ROBO2: variants seen among roughly 807,000 people sequenced by gnomAD.
The protein encoded by ROBO2 is roundabout guidance receptor 2.
A neutral mutation model predicts 160.8 loss-of-function variants in ROBO2; 53 were observed. The observed-to-expected ratio is 0.33, with a 90% CI of 0.26 to 0.41. The LOEUF is 0.41. Among genes scored for constraint, ROBO2 ranks in the 10% least tolerant of loss-of-function variants. The pLI is 1.00. For missense variants in ROBO2, 1,577 were observed against 1,722.4 expected (o/e 0.92, Z 1.49); for synonymous variants, 664 against 611.7 (o/e 1.09, Z -1.26).
At chr3:76,590,437 G>A (rs2086343175) in intron 2 of ROBO2, among the ~76,000 whole-genome samples, 1 of 152,090 alleles carries the variant, frequency 6.6e-6, no homozygotes, top group Non-Finnish European at 1.5e-5. Context: ...AAATTGGCAT[G>A]CATAATTTAT....
Position 77,408,828 on chromosome 3 carries a change from G to T in ROBO2, c.389-68586G>T, listed in dbSNP as rs866544953. On this transcript the variant is annotated intron_variant, in intron 2 of 25. Coordinates refer to ENST00000461745, the Ensembl canonical transcript of ROBO2. ...CTCCCTTAATCTCCTGGGATCAAGG[G>T]ATCTTCCTGCCTCAGCCTCTTGCAT... Among the ~76,000 whole-genome samples the T allele has an allele frequency of 7.2e-5, 11 of 151,966 alleles. 1 individual carries two copies. In the South Asian group the frequency reaches 8.3e-4, roughly 11 times the overall value.
At chr3:76,252,758 TACACACACACAC>T (rs113177987) in intron 2 of ROBO2, among the ~76,000 whole-genome samples, 155 of 53,630 alleles carry the variant, frequency 2.9e-3, no homozygotes, top group African/African-American at 5.1e-3. Flanking sequence ...TGTATATGTA[TACACACACACAC>T]ACACACACAC....
At chr3:76,496,729 A>T (rs968982795) in intron 2 of ROBO2, among the ~76,000 whole-genome samples, 1 of 152,120 alleles carries the variant, frequency 6.6e-6, no homozygotes, top group Admixed American at 6.5e-5. Context: ...GAGTTTTTTA[A>T]TTTCTCTATT....
chr3:76,434,057 G>A (rs2076556427), intron 2 of ROBO2: 1 of 1,303,076 alleles, frequency 7.7e-7, no homozygotes. Flanking sequence ...ACTGGAGAGG[G>A]CAGTGGGCCT....
At chr3:77,022,302 G>A (rs925915617) in intron 2 of ROBO2, among the ~76,000 whole-genome samples, 10 of 152,154 alleles carry the variant, frequency 6.6e-5, no homozygotes, top group Non-Finnish European at 1.2e-4. Flanking sequence ...CCCATGACGC[G>A]GAGGTTGCAG....
intron 2 of ROBO2, among the ~76,000 whole-genome samples, chr3:75,981,366 T>C (rs2065268792): frequency 6.6e-6 from 1 of 151,466 alleles, no homozygotes; most frequent in South Asian, 2.1e-4. Flanking sequence ...AGGGTTGTGG[T>C]GAGGAATAAA....
chr3:76,105,074 C>G (rs1458202489), intron 2 of ROBO2, among the ~76,000 whole-genome samples: 1 of 151,936 alleles, frequency 6.6e-6, no homozygotes, highest in African/African-American at 2.4e-5. Flanking sequence ...GTCATAAGCT[C>G]TCAGTATCAG....
chr3:76,886,188 A>C (rs2073861787), intron 2 of ROBO2, among the ~76,000 whole-genome samples: 1 of 152,002 alleles, frequency 6.6e-6, no homozygotes, highest in Admixed American at 6.6e-5. Flanking sequence ...TTCCTAATAA[A>C]GAATTAGCAC....
chr3:77,602,464 C>G, exon 20 of ROBO2: 1 of 1,614,136 alleles, frequency 6.2e-7, no homozygotes, highest in Non-Finnish European at 8.5e-7. Context: ...TGGTTATTCT[C>G]TACCTGATCA....
At chr3:77,142,898 AAAAGAGAAGTGTGTTTCCCTGC>A (rs1361868097) in intron 2 of ROBO2, among the ~76,000 whole-genome samples, 1 of 152,146 alleles carries the variant, frequency 6.6e-6, no homozygotes, top group African/African-American at 2.4e-5. Context: ...TTTACAAGTG[AAAAGAGAAGTGTGTTTCCCTGC>A]CCCTTCCTCA....
chr3:76,409,692 T>A (rs937629388), intron 2 of ROBO2, among the ~76,000 whole-genome samples: 8 of 152,120 alleles, frequency 5.3e-5, no homozygotes, highest in African/African-American at 1.9e-4. Flanking sequence ...AGTTATGACC[T>A]TGAGCATGTC....
intron 2 of ROBO2, among the ~76,000 whole-genome samples, chr3:77,421,168 A>C (rs2077680295): frequency 6.6e-6 from 1 of 152,130 alleles, no homozygotes; most frequent in African/African-American, 2.4e-5. Context: ...TTAATCTGTA[A>C]AGTAGAATTA....
chr3:76,112,371 C>A (rs2070272452), intron 2 of ROBO2, among the ~76,000 whole-genome samples: 1 of 152,016 alleles, frequency 6.6e-6, no homozygotes, highest in Non-Finnish European at 1.5e-5. Context: ...TATTGAAATA[C>A]AAATAACCTA....
At chr3:76,317,832 T>C (rs1274053323) in intron 2 of ROBO2, among the ~76,000 whole-genome samples, 2 of 152,002 alleles carry the variant, frequency 1.3e-5, no homozygotes, top group Non-Finnish European at 2.9e-5. Flanking sequence ...GAAATAGCAT[T>C]TAATAAATTC....
intron 2 of ROBO2, among the ~76,000 whole-genome samples, chr3:76,550,249 A>G (rs773118212): frequency 1.3e-5 from 2 of 152,340 alleles, no homozygotes; most frequent in South Asian, 2.1e-4. Context: ...TTTAATATAC[A>G]TAATTTAAGA....
chr3:76,788,489 G>C (rs1446556207), intron 2 of ROBO2, among the ~76,000 whole-genome samples: 1 of 151,436 alleles, frequency 6.6e-6, no homozygotes, highest in Non-Finnish European at 1.5e-5. Context: ...CTAATAAAAA[G>C]AATCAAGGAC....
rs143096449 is a variant in ROBO2 at position 77,262,208 on chromosome 3, T to G, written c.388+163868T>G. Among the ~76,000 whole-genome samples, 215 of 152,282 alleles carry G rather than the reference T, an allele frequency of 1.4e-3. 1 individual carries two copies. The highest frequency in any genetic ancestry group is 7.5e-3 in the South Asian group (36 of 4,828). On this transcript the variant is annotated intron_variant, in intron 2 of 25. Transcript: ENST00000461745. ...TGAGATGAAGGTCAAGCAAACATTCTCAAGTAAAGCCATAGGTTATATGTG... is the reference window on the plus strand; with the variant it reads ...TGAGATGAAGGTCAAGCAAACATTCGCAAGTAAAGCCATAGGTTATATGTG...
intron 2 of ROBO2, among the ~76,000 whole-genome samples, chr3:77,327,853 T>C (rs1024526210): frequency 1.3e-5 from 2 of 151,880 alleles, no homozygotes; most frequent in Non-Finnish European, 2.9e-5. Context: ...AGTTTGAGAC[T>C]AGCCTGGACA....
intron 1 of ROBO2, among the ~76,000 whole-genome samples, chr3:77,058,625 T>A (rs992341532): frequency 6.6e-6 from 1 of 152,118 alleles, no homozygotes; most frequent in Admixed American, 6.6e-5. Context: ...CTTGACTTCC[T>A]GGGCTCAGGT....
Sources: allele counts gnomAD v4.1 joint callset (sites outside exome capture counted in the v4.1 genomes callset), GRCh38; gene constraint gnomAD v4.1.1; transcripts MANE v1.5; gene names NCBI Gene and HGNC (gene_info 2026-07-23, HGNC 2026-07-21).